HOMER1: variants seen among roughly 807,000 people sequenced by gnomAD.
HOMER1 encodes the protein homer protein homolog 1.
In HOMER1, 3 loss-of-function variants were observed where a neutral mutation model predicts 48.9. That is an observed-to-expected ratio of 0.06 (90% CI 0.03 to 0.16). The LOEUF is 0.16. HOMER1 is among the 10% of genes least tolerant of loss of function. The pLI is 1.00. For missense variants in HOMER1, 247 were observed against 411.4 expected (o/e 0.60, Z 3.46); for synonymous variants, 134 against 146.4 (o/e 0.92, Z 0.61).
At chr5:79,376,243 T>A in intron 8 of HOMER1, 46 bp from the exon 9 acceptor site, 1 of 1,366,374 alleles carries the variant, frequency 7.3e-7, no homozygotes, top group Admixed American at 1.9e-5. Flanking sequence ...ATTCATCACT[T>A]AGAAAACAAT....
chr5:79,510,459 C>A (rs891581493), intron 1 of HOMER1: 4 of 685,836 alleles, frequency 5.8e-6, no homozygotes, highest in Non-Finnish European at 1.1e-5. Context: ...AACCACACCA[C>A]ACACAACCAG....
chr5:79,486,353 A>G (rs529883746), intron 1 of HOMER1, among the ~76,000 whole-genome samples: 2 of 152,304 alleles, frequency 1.3e-5, no homozygotes, highest in African/African-American at 4.8e-5. Context: ...AACAATGTGC[A>G]AAGATCTTGA....
At chr5:79,454,488 T>C (rs1218335086) in intron 2 of HOMER1, among the ~76,000 whole-genome samples, 2 of 152,204 alleles carry the variant, frequency 1.3e-5, no homozygotes, top group African/African-American at 2.4e-5. Flanking sequence ...CAGGTTATAA[T>C]ATCTAGTATC....
intron 8 of HOMER1, among the ~76,000 whole-genome samples, chr5:79,396,247 T>C (rs1283629688): frequency 6.6e-6 from 1 of 152,062 alleles, no homozygotes; most frequent in Non-Finnish European, 1.5e-5. Context: ...TAACTTGTGT[T>C]CCATTAGGGC....
chr5:79,487,291 A>G (rs1016818564), intron 1 of HOMER1, among the ~76,000 whole-genome samples: 8 of 152,152 alleles, frequency 5.3e-5, no homozygotes, highest in African/African-American at 4.8e-5. Context: ...AAAGAAAGAA[A>G]GAAGGAAAGA....
intron 5 of HOMER1, among the ~76,000 whole-genome samples, chr5:79,420,934 T>C (rs1217637237): frequency 2.0e-5 from 3 of 152,176 alleles, no homozygotes; most frequent in Non-Finnish European, 4.4e-5. Flanking sequence ...ACTGCTTACA[T>C]GTGTGTGCTC....
At chr5:79,459,386 AAGCT>A (rs1342647778) in intron 1 of HOMER1, among the ~76,000 whole-genome samples, 2 of 152,336 alleles carry the variant, frequency 1.3e-5, no homozygotes, top group African/African-American at 4.8e-5. Context: ...AAAAATCTTT[AAGCT>A]AGCTATTGTA....
intron 1 of HOMER1, among the ~76,000 whole-genome samples, chr5:79,497,662 GAAAAAAAAA>G (rs1212983044): frequency 8.2e-5 from 6 of 73,026 alleles, no homozygotes; most frequent in Non-Finnish European, 1.8e-4. Flanking sequence ...CTGTCTCAAA[GAAAAAAAAA>G]AAAAAAAAAA....
chr5:79,392,417 C>T (rs745317848), intron 8 of HOMER1, among the ~76,000 whole-genome samples: 1 of 151,806 alleles, frequency 6.6e-6, no homozygotes, highest in African/African-American at 2.4e-5. Context: ...TTTGTGTCTT[C>T]GTTTTTTAAA....
chr5:79,428,584 C>G (rs1393009800), intron 5 of HOMER1, among the ~76,000 whole-genome samples: 2 of 152,116 alleles, frequency 1.3e-5, no homozygotes, highest in African/African-American at 2.4e-5. Flanking sequence ...TAAATGAGTT[C>G]AGTAAGTTTG....
At chr5:79,401,844 T>G (rs1205688020) in intron 6 of HOMER1, 55 bp downstream of exon 6, 1 of 1,555,806 alleles carries the variant, frequency 6.4e-7, no homozygotes, top group East Asian at 2.3e-5. Flanking sequence ...AAATTTCTTC[T>G]GATCAAGAAA....
intron 1 of HOMER1, among the ~76,000 whole-genome samples, chr5:79,483,745 C>A: frequency 2.2e-5 from 3 of 138,864 alleles, no homozygotes; most frequent in African/African-American, 3.0e-5. Context: ...GATAATTGAC[C>A]GTTTAAGTAA....
At chr5:79,472,618 T>TA (rs11392852) in intron 1 of HOMER1, among the ~76,000 whole-genome samples, 43,054 of 145,146 alleles carry the variant, frequency 0.3, 6,309 homozygotes, top group South Asian at 0.48. Flanking sequence ...CTACTAAAAA[T>TA]AAAAAAAAAA....
At chr5:79,436,239 TGTGA>T (rs1214750115) in intron 5 of HOMER1, among the ~76,000 whole-genome samples, 4 of 152,346 alleles carry the variant, frequency 2.6e-5, no homozygotes, top group African/African-American at 2.4e-5. Flanking sequence ...TTTAAAAACT[TGTGA>T]GTTTTAGATT....
At chr5:79,503,862 G>A (rs1388884343) in intron 1 of HOMER1, among the ~76,000 whole-genome samples, 1 of 152,182 alleles carries the variant, frequency 6.6e-6, no homozygotes, top group East Asian at 1.9e-4. Context: ...GAGGAGGAAG[G>A]GTTGGTCTTG....
intron 2 of HOMER1, among the ~76,000 whole-genome samples, chr5:79,454,718 G>C (rs1338177889): frequency 6.6e-6 from 1 of 152,068 alleles, no homozygotes; most frequent in Non-Finnish European, 1.5e-5. Flanking sequence ...CCTAGTTAAG[G>C]AGATAAGGAA....
chr5:79,497,490 AAAATAAAT>A lies in HOMER1; in HGVS notation c.5+15272_5+15279del, dbSNP rs375059979. On this transcript the variant is annotated intron_variant, in intron 1 of 8. Transcript: ENST00000334082. ...CATGGCAAAACCCCGTCTCTACTAA[AAAATAAAT>A]AAATAAATAAATAAATAATTAGCCA... is the stretch of plus-strand genomic sequence containing the variant. Among the ~76,000 whole-genome samples the A allele has an allele frequency of 1.8e-3, 267 of 151,714 alleles. 2 individuals are homozygous for A. Among genetic ancestry groups the A allele is most frequent in the African/African-American group, 6.0e-3 (246 of 41,318 alleles).
At chr5:79,425,380 T>A (rs1179914911) in intron 5 of HOMER1, among the ~76,000 whole-genome samples, 1 of 140,182 alleles carries the variant, frequency 7.1e-6, no homozygotes, top group Admixed American at 7.8e-5. Flanking sequence ...AAGCAGAAAA[T>A]TTTTAAAAAG....
intron 5 of HOMER1, among the ~76,000 whole-genome samples, chr5:79,433,067 T>C (rs1343468399): frequency 6.6e-6 from 1 of 152,204 alleles, no homozygotes; most frequent in East Asian, 1.9e-4. Context: ...CAGCTTTACA[T>C]ACAGTCCACA....
Sources: allele counts gnomAD v4.1 joint callset (sites outside exome capture counted in the v4.1 genomes callset), GRCh38; gene constraint gnomAD v4.1.1; transcripts MANE v1.5; gene names NCBI Gene and HGNC (gene_info 2026-07-23, HGNC 2026-07-21).